EBF2: variants seen among roughly 807,000 people sequenced by gnomAD.
EBF2 encodes the protein EBF transcription factor 2, also known as transcription factor COE2.
In EBF2, 21 loss-of-function variants were observed where a neutral mutation model predicts 72.8. The ratio of observed to expected loss-of-function variants is 0.29; its 90% CI spans 0.20 to 0.42. The LOEUF is 0.42. Ranked by LOEUF, EBF2 falls within the 10% of genes least tolerant of loss-of-function variation. The probability of loss-of-function intolerance (pLI) is 1.00; values close to 1 mark genes in which losing one functional copy is unlikely to be tolerated. For missense variants in EBF2, 637 were observed against 731.2 expected (o/e 0.87, Z 1.49); for synonymous variants, 299 against 274.2 (o/e 1.09, Z -0.89).
At chr8:25,847,605 C>T (rs1801865346) in intron 15 of EBF2, among the ~76,000 whole-genome samples, 1 of 152,170 alleles carries the variant, frequency 6.6e-6, no homozygotes, top group East Asian at 1.9e-4. Context: ...AGTCAACAAC[C>T]ACCTTTGGGG....
chr8:25,857,828 C>G (rs1802125225), intron 14 of EBF2, among the ~76,000 whole-genome samples: 1 of 152,180 alleles, frequency 6.6e-6, no homozygotes, highest in Non-Finnish European at 1.5e-5. Context: ...CACAAAATAA[C>G]TCAAAGTCAT....
chr8:25,890,093 G>A, intron 7 of EBF2, among the ~76,000 whole-genome samples: 1 of 152,192 alleles, frequency 6.6e-6, no homozygotes, highest in East Asian at 1.9e-4. Flanking sequence ...TTTGCTCAAA[G>A]CACACCCATG....
At chr8:25,882,292 T>A (rs975423870) in intron 10 of EBF2, among the ~76,000 whole-genome samples, 2 of 152,170 alleles carry the variant, frequency 1.3e-5, no homozygotes, top group African/African-American at 4.8e-5. Flanking sequence ...TCGCATGCCC[T>A]GCGAGGGGAA....
In EBF2 at chr8:26,040,622, G is replaced by A; in HGVS notation, c.402C>T (p.Thr134=). The A allele has an allele frequency of 6.4e-7, 1 of 1,552,966 alleles. No homozygotes were observed. ...CAAGTGGCCTCCGGCTCACCTGCTT[G>A]GTGACCGAGTCGATGAGCCTGACAT... is the stretch of plus-strand genomic sequence containing the variant. The part of the protein sequence containing the change: ...DLYVRLIDSV[T]KQPIAYEGQN... The change falls in exon 4 of 16, where the codon ACC becomes ACT. Residue 134 remains threonine, a synonymous_variant. Transcript: ENST00000520164.
chr8:25,885,743 G>A (rs1563388638), intron 10 of EBF2, among the ~76,000 whole-genome samples: 1 of 152,098 alleles, frequency 6.6e-6, no homozygotes. Flanking sequence ...TGTAAGATGT[G>A]CCTTTCGCCT....
At chr8:25,956,754 G>A (rs1803955106) in intron 6 of EBF2, among the ~76,000 whole-genome samples, 2 of 152,160 alleles carry the variant, frequency 1.3e-5, no homozygotes, top group East Asian at 1.9e-4. Context: ...TTGTGATGGC[G>A]ACATTTTAAT....
intron 10 of EBF2, among the ~76,000 whole-genome samples, chr8:25,873,112 G>C (rs941414168): frequency 6.6e-5 from 10 of 152,104 alleles, no homozygotes; most frequent in African/African-American, 2.2e-4. Flanking sequence ...AACATGCAAA[G>C]GCTACGTTAA....
intron 7 of EBF2, among the ~76,000 whole-genome samples, chr8:25,894,979 C>T (rs553167691): frequency 1.3e-5 from 2 of 152,176 alleles, no homozygotes; most frequent in African/African-American, 2.4e-5. Context: ...GACCTGATAA[C>T]GTGTCTTTTC....
At chr8:25,887,994 A>AGTC (rs1398665147) in intron 8 of EBF2, 22 bp from the exon 9 acceptor site, 1 of 1,594,066 alleles carries the variant, frequency 6.3e-7, no homozygotes, top group South Asian at 1.1e-5. Flanking sequence ...GGAAAGAAAA[A>AGTC]GTCAGGTTTG....
intron 6 of EBF2, among the ~76,000 whole-genome samples, chr8:25,954,805 T>C (rs991710130): frequency 6.6e-6 from 1 of 152,186 alleles, no homozygotes; most frequent in Non-Finnish European, 1.5e-5. Context: ...TATTTGCTGC[T>C]ATGGCACCCC....
intron 6 of EBF2, among the ~76,000 whole-genome samples, chr8:25,911,116 A>G (rs1415504509): frequency 6.6e-6 from 1 of 152,010 alleles, no homozygotes; most frequent in Admixed American, 6.6e-5. Context: ...CCATTTAGCC[A>G]CGGGGTAACT....
intron 6 of EBF2, among the ~76,000 whole-genome samples, chr8:25,912,926 T>G (rs2117125208): frequency 6.6e-6 from 1 of 152,288 alleles, no homozygotes; most frequent in South Asian, 2.1e-4. Flanking sequence ...TCAAACGAGA[T>G]GCACAAATAC....
At chr8:25,848,095 C>T (rs1300698425) in intron 15 of EBF2, among the ~76,000 whole-genome samples, 1 of 152,116 alleles carries the variant, frequency 6.6e-6, no homozygotes, top group Non-Finnish European at 1.5e-5. Flanking sequence ...ACAGGCTAGG[C>T]TCAAGTGATC....
intron 6 of EBF2, among the ~76,000 whole-genome samples, chr8:25,995,248 G>A (rs1438694394): frequency 6.6e-6 from 1 of 152,214 alleles, no homozygotes; most frequent in Non-Finnish European, 1.5e-5. Flanking sequence ...GGAGGTTGCA[G>A]TGAGCTGAGA....
chr8:25,968,018 G>A (rs184907846), intron 6 of EBF2, among the ~76,000 whole-genome samples: 1 of 152,314 alleles, frequency 6.6e-6, no homozygotes, highest in African/African-American at 2.4e-5. Context: ...CTTACAGTAT[G>A]CAGCTTACCT....
Position 26,014,321 on chromosome 8 carries a change from A to C in EBF2, c.551+18764T>G, listed in dbSNP as rs148560283. Among the ~76,000 whole-genome samples the C allele has an allele frequency of 1.4e-3, 211 of 152,294 alleles. 1 individual carries two copies. Among genetic ancestry groups the C allele is most frequent in the African/African-American group, 4.9e-3 (205 of 41,562 alleles). ...CAGGATATGATAAAGAGATACGCCA[A>C]TGGATCTCACAAAGCTTCTGCCCTC... On this transcript the variant is annotated intron_variant, in intron 6 of 15. Coordinates refer to ENST00000520164, the MANE Select transcript of EBF2 (RefSeq NM_022659.4).
At chr8:26,030,118 C>T (rs1346126877) in intron 6 of EBF2, among the ~76,000 whole-genome samples, 1 of 152,184 alleles carries the variant, frequency 6.6e-6, no homozygotes, top group South Asian at 2.1e-4. Flanking sequence ...CACTATGGTG[C>T]TCAGGTTGCT....
chr8:26,020,454 A>G (rs929704455), intron 6 of EBF2, among the ~76,000 whole-genome samples: 2 of 152,188 alleles, frequency 1.3e-5, no homozygotes, highest in African/African-American at 4.8e-5. Flanking sequence ...GGGGAATGAA[A>G]AGAAGAAAGG....
chr8:25,862,559 T>C (rs1404434935), intron 11 of EBF2, 150 bp downstream of exon 11: 4 of 441,922 alleles, frequency 9.1e-6, no homozygotes, highest in Non-Finnish European at 1.6e-5. Flanking sequence ...ATATATTTCA[T>C]AGCAGATATT....
Sources: gnomAD v4.1 joint callset for allele counts (sites outside exome capture counted in the v4.1 genomes callset) on GRCh38, gnomAD v4.1.1 for gene constraint, MANE v1.5 for transcripts, NCBI Gene and HGNC (gene_info 2026-07-23, HGNC 2026-07-21) for gene names.